Variants in TTC17 observed in about 807,000 individuals in gnomAD.
TTC17 encodes the protein tetratricopeptide repeat domain 17.
TTC17 carries 58 observed loss-of-function variants against 143.8 expected under a neutral mutation model. The ratio of observed to expected loss-of-function variants is 0.40; its 90% CI spans 0.33 to 0.50. The LOEUF (loss-of-function observed/expected upper bound fraction) is 0.50, where lower values mean the gene tolerates loss of function less well. Ranked by LOEUF, TTC17 falls within the 20% of genes least tolerant of loss-of-function variation. TTC17 has a pLI of 0.49. For synonymous variants in TTC17, 501 were observed against 497.8 expected, an observed-to-expected ratio of 1.01 and a Z score of -0.09; for missense variants, 1,273 against 1,392.5, an observed-to-expected ratio of 0.91 and a Z score of 1.37.
Position 43,485,656 on chromosome 11 carries a change from T to A in TTC17, c.3031-4583T>A, listed in dbSNP as rs896103783. Reference sequence around the variant, plus strand: ...AATGCATTAAAGATATTAACAGGCATTTCACAGAAGTGATATGTGTGATGA... The same window carrying A: ...AATGCATTAAAGATATTAACAGGCAATTCACAGAAGTGATATGTGTGATGA... On this transcript the variant is annotated intron_variant, in intron 21 of 23. Transcript: ENST00000039989. Among the ~76,000 whole-genome samples the A allele has an allele frequency of 2.0e-5, 3 of 152,104 alleles. No homozygotes were observed. In the South Asian group the frequency reaches 6.2e-4, roughly 32 times the overall value.
chr11:43,468,196 A>T (rs1433252091), intron 21 of TTC17: 1 of 152,272 alleles, frequency 6.6e-6, no homozygotes, highest in African/African-American at 2.4e-5. Flanking sequence ...TGACATTTCA[A>T]TTGCTGGAAG....
intron 21 of TTC17, among the ~76,000 whole-genome samples, chr11:43,487,081 TTTAA>T (rs1403725152): frequency 6.6e-6 from 1 of 152,158 alleles, no homozygotes; most frequent in African/African-American, 2.4e-5. Flanking sequence ...TATATGTGTA[TTTAA>T]TTATTTATGT....
chr11:43,399,678 A>AT (rs1857765276), intron 8 of TTC17, among the ~76,000 whole-genome samples: 2 of 152,268 alleles, frequency 1.3e-5, no homozygotes, highest in South Asian at 4.1e-4. Context: ...GCAAGACCCC[A>AT]TTTTTTAAAA....
chr11:43,475,955 C>T (rs2134847167), intron 21 of TTC17, among the ~76,000 whole-genome samples: 1 of 152,306 alleles, frequency 6.6e-6, no homozygotes, highest in Admixed American at 6.5e-5. Context: ...ATGGCGTTAA[C>T]ACCTGTGGTC....
chr11:43,482,261 T>G (rs1386380342), intron 21 of TTC17, among the ~76,000 whole-genome samples: 1 of 151,008 alleles, frequency 6.6e-6, no homozygotes, highest in African/African-American at 2.4e-5. Context: ...TTTAATAGTT[T>G]TTTTTTTTTA....
chr11:43,413,543 C>T (rs1357815151), intron 15 of TTC17, among the ~76,000 whole-genome samples: 1 of 151,012 alleles, frequency 6.6e-6, no homozygotes, highest in East Asian at 2.1e-4. Context: ...AAAAACAAAC[C>T]ATAGACAGAG....
intron 1 of TTC17, among the ~76,000 whole-genome samples, chr11:43,376,772 G>T (rs1856777672): frequency 1.3e-5 from 2 of 152,192 alleles, no homozygotes; most frequent in African/African-American, 4.8e-5. Flanking sequence ...TGGTTGAATG[G>T]ATGTTGTAAC....
At chr11:43,408,856 C>A (rs1418970648) in intron 15 of TTC17, among the ~76,000 whole-genome samples, 4 of 152,104 alleles carry the variant, frequency 2.6e-5, no homozygotes, top group African/African-American at 4.8e-5. Flanking sequence ...GTGCACCCAC[C>A]TCAGCCTCCC....
At chr11:43,445,371 C>T (rs1947519009) in intron 18 of TTC17, among the ~76,000 whole-genome samples, 1 of 152,050 alleles carries the variant, frequency 6.6e-6, no homozygotes, top group Admixed American at 6.6e-5. Flanking sequence ...AATAAACAAG[C>T]ACATAGAAAC....
chr11:43,485,918 C>CCCGT (rs1321170408), intron 21 of TTC17, among the ~76,000 whole-genome samples: 1 of 135,870 alleles, frequency 7.4e-6, no homozygotes, highest in Non-Finnish European at 1.5e-5. Context: ...ATATGCATAT[C>CCCGT]CCGTGGCCCA....
intron 1 of TTC17, among the ~76,000 whole-genome samples, chr11:43,369,026 C>T (rs566841534): frequency 6.6e-6 from 1 of 152,370 alleles, no homozygotes; most frequent in African/African-American, 2.4e-5. Context: ...TCTCTTTTCA[C>T]ATGTCATCTC....
intron 10 of TTC17, among the ~76,000 whole-genome samples, chr11:43,403,308 C>T (rs1351454988): frequency 6.6e-6 from 1 of 152,180 alleles, no homozygotes; most frequent in Non-Finnish European, 1.5e-5. Context: ...TTCCTGTTCA[C>T]AAAGACCTAG....
chr11:43,427,159 G>A (rs1007137257), intron 16 of TTC17, among the ~76,000 whole-genome samples: 1 of 152,068 alleles, frequency 6.6e-6, no homozygotes, highest in Non-Finnish European at 1.5e-5. Flanking sequence ...TACTTACTAC[G>A]TAAACCAAGT....
chr11:43,466,746 T>C (rs1947981012), intron 21 of TTC17: 3 of 309,972 alleles, frequency 9.7e-6, no homozygotes, highest in Non-Finnish European at 1.9e-5. Context: ...GGCCAAATGG[T>C]GGGATGGCAA....
chr11:43,406,322 A>G (rs764001850), intron 13 of TTC17, among the ~76,000 whole-genome samples: 30 of 152,170 alleles, frequency 2.0e-4, no homozygotes, highest in Non-Finnish European at 3.4e-4. Context: ...TGAAAGCTTG[A>G]AGAATCTCTC....
chr11:43,435,845 T>C (rs1445147935), intron 16 of TTC17, among the ~76,000 whole-genome samples: 5 of 152,240 alleles, frequency 3.3e-5, no homozygotes, highest in African/African-American at 1.2e-4. Flanking sequence ...TTTGATGATA[T>C]TTCTAACTTC....
intron 21 of TTC17, among the ~76,000 whole-genome samples, chr11:43,479,182 G>A (rs527333744): frequency 2.0e-5 from 3 of 151,826 alleles, no homozygotes; most frequent in Non-Finnish European, 4.4e-5. Flanking sequence ...AGAGGTTGCA[G>A]TGAGCCAAGA....
intron 13 of TTC17, among the ~76,000 whole-genome samples, chr11:43,406,780 T>C (rs1465111260): frequency 6.6e-6 from 1 of 152,222 alleles, no homozygotes; most frequent in African/African-American, 2.4e-5. Flanking sequence ...ATCTGGTATT[T>C]TCCAGGAAGG....
chr11:43,365,614 C>T (rs752956802), intron 1 of TTC17, among the ~76,000 whole-genome samples: 10 of 152,136 alleles, frequency 6.6e-5, no homozygotes, highest in Non-Finnish European at 1.3e-4. Context: ...TGTTTCTTTG[C>T]CCTTGCTCTT....
Sources: gnomAD v4.1 joint callset for allele counts (sites outside exome capture counted in the v4.1 genomes callset) on GRCh38, gnomAD v4.1.1 for gene constraint, MANE v1.5 for transcripts, NCBI Gene and HGNC (gene_info 2026-07-23, HGNC 2026-07-21) for gene names.